Variants in CTDSPL2 observed in about 807,000 individuals in gnomAD.
CTDSPL2 encodes the protein CTD small phosphatase-like protein 2.
CTDSPL2 carries 5 observed loss-of-function variants against 60.0 expected under a neutral mutation model. The observed-to-expected ratio is 0.08, with a 90% CI of 0.04 to 0.18. The LOEUF (loss-of-function observed/expected upper bound fraction) is 0.18. Ranked by LOEUF, CTDSPL2 falls within the 10% of genes least tolerant of loss-of-function variation. CTDSPL2 has a pLI of 1.00. For missense variants in CTDSPL2, 370 were observed against 548.8 expected (o/e 0.67, Z 3.26); for synonymous variants, 186 against 189.3 (o/e 0.98, Z 0.14).
chr15:44,520,171 A>T, intron 11 of CTDSPL2: 2 of 134,570 alleles, frequency 1.5e-5, no homozygotes. Context: ...TTTTTTTGAG[A>T]CGGAGTTTTG....
chr15:44,449,274 T>A, intron 1 of CTDSPL2: 1 of 230,920 alleles, frequency 4.3e-6, no homozygotes. Context: ...ACTATGCTTG[T>A]CTAGCACCTG....
chr15:44,476,088 G>A (rs2080910041), intron 2 of CTDSPL2, among the ~76,000 whole-genome samples: 1 of 151,962 alleles, frequency 6.6e-6, no homozygotes. Flanking sequence ...TTTATTTTGA[G>A]ATGGAGTCTT....
chr15:44,475,195 A>G (rs1028009039), intron 2 of CTDSPL2, among the ~76,000 whole-genome samples: 1 of 151,940 alleles, frequency 6.6e-6, no homozygotes, highest in Non-Finnish European at 1.5e-5. Context: ...TAAATCTTTC[A>G]TTCAGTGATT....
intron 1 of CTDSPL2, among the ~76,000 whole-genome samples, chr15:44,439,554 G>A (rs542427439): frequency 6.7e-6 from 1 of 150,106 alleles, no homozygotes; most frequent in African/African-American, 2.4e-5. Context: ...GGGGGGGGGG[G>A]AATATTTGCA....
chr15:44,493,900 C>T (rs2081255935), intron 5 of CTDSPL2, among the ~76,000 whole-genome samples: 1 of 151,968 alleles, frequency 6.6e-6, no homozygotes, highest in Non-Finnish European at 1.5e-5. Context: ...TTATTGGAAG[C>T]ATAATGTCAG....
At chr15:44,499,277 C>T (rs1001561582) in intron 7 of CTDSPL2, among the ~76,000 whole-genome samples, 5 of 152,068 alleles carry the variant, frequency 3.3e-5, no homozygotes, top group African/African-American at 9.7e-5. Context: ...TGATTGCTGG[C>T]GCCTGTAATC....
chr15:44,428,498 AT>A (rs2079792726), intron 1 of CTDSPL2, among the ~76,000 whole-genome samples: 1 of 152,146 alleles, frequency 6.6e-6, no homozygotes, highest in African/African-American at 2.4e-5. Context: ...AATCTTGTTT[AT>A]TTACTTCTCA....
At chr15:44,482,403 A>C (rs2081045249) in intron 2 of CTDSPL2, among the ~76,000 whole-genome samples, 1 of 152,100 alleles carries the variant, frequency 6.6e-6, no homozygotes, top group Non-Finnish European at 1.5e-5. Context: ...TTTTTCCATA[A>C]GTTTTGTTAC....
In CTDSPL2 at chr15:44,486,578, A is replaced by C. The variant is rs772601008; in HGVS notation, c.353A>C (p.Gln118Pro). 1.3e-6 allele frequency: 2 copies of C among 1,582,198 alleles called. No homozygotes were observed. The highest frequency in any genetic ancestry group is 1.9e-5 in the Admixed American group (1 of 52,658). Residue 118 changes from glutamine (Q) to proline (P), a missense_variant, in exon 4 of 13, where the codon CAA becomes CCA. This residue lies in a region of CTDSPL2 where 287 missense variants were observed against 296.1 expected (regional missense o/e 0.97). Transcript: ENST00000260327. ...GEAGSYEMTN[Q>P]HVKQNGKLED... ...GCTGGTAGTTATGAAATGACAAATC[A>C]ACATGTAAAACAAAATGGAAAATTA...
chr15:44,523,129 T>C (rs1010309238), intron 12 of CTDSPL2, among the ~76,000 whole-genome samples: 3 of 152,118 alleles, frequency 2.0e-5, no homozygotes, highest in Non-Finnish European at 2.9e-5. Context: ...TCCAAGTAGC[T>C]GGGATTACAG....
intron 8 of CTDSPL2, among the ~76,000 whole-genome samples, chr15:44,502,350 T>C (rs2081394674): frequency 2.0e-5 from 3 of 152,142 alleles, no homozygotes; most frequent in Admixed American, 2.0e-4. Flanking sequence ...TTTTTCTTTC[T>C]GTGGTATATT....
chr15:44,475,026 G>A (rs1195185368), intron 2 of CTDSPL2, among the ~76,000 whole-genome samples: 1 of 151,976 alleles, frequency 6.6e-6, no homozygotes, highest in East Asian at 1.9e-4. Context: ...ACTTTTGTTT[G>A]TTACCATGCA....
chr15:44,473,521 T>A (rs2080853181), intron 2 of CTDSPL2, among the ~76,000 whole-genome samples: 1 of 151,264 alleles, frequency 6.6e-6, no homozygotes. Context: ...GGTCTCGATC[T>A]CCTGACCTTG....
Position 44,496,384 on chromosome 15 carries a change from A to C in CTDSPL2, c.696A>C (p.Pro232=), listed in dbSNP as rs752150127. Residue 232 remains proline, a synonymous_variant, in exon 6 of 13, where the codon CCA becomes CCC. Coordinates refer to ENST00000260327, the MANE Select transcript of CTDSPL2 (RefSeq NM_016396.3). ...VNRDIPPLTA[P]VTPDSGYSSA... is the part of the protein sequence containing the mutation. Reference sequence around the variant, plus strand: ...TTCTTTCACTATGTTAAATAGCACCAGTAACTCCAGATAGTGGTTATTCAT... The same window carrying C: ...TTCTTTCACTATGTTAAATAGCACCCGTAACTCCAGATAGTGGTTATTCAT... The C allele has an allele frequency of 2.7e-5, 43 of 1,611,064 alleles. No homozygotes were observed. The South Asian group carries it at 4.6e-4, about 17-fold the overall frequency.
At chr15:44,434,216 A>G (rs897811835) in intron 1 of CTDSPL2, among the ~76,000 whole-genome samples, 4 of 152,010 alleles carry the variant, frequency 2.6e-5, no homozygotes, top group Non-Finnish European at 5.9e-5. Context: ...CCTGGCCAAC[A>G]TGGCGAAACC....
intron 5 of CTDSPL2, among the ~76,000 whole-genome samples, chr15:44,494,741 C>G (rs981096628): frequency 2.6e-5 from 4 of 151,944 alleles, no homozygotes. Flanking sequence ...ATGATGAAAC[C>G]CCATCTCTAC....
intron 1 of CTDSPL2, among the ~76,000 whole-genome samples, chr15:44,430,722 T>C (rs557484505): frequency 6.6e-6 from 1 of 151,976 alleles, no homozygotes; most frequent in African/African-American, 2.4e-5. Context: ...GTGCTGAGAG[T>C]TTATTTGTGT....
intron 2 of CTDSPL2, among the ~76,000 whole-genome samples, chr15:44,464,406 C>T (rs1004807081): frequency 3.9e-5 from 6 of 152,184 alleles, no homozygotes; most frequent in African/African-American, 1.4e-4. Context: ...CACTCCTAAC[C>T]ACTGTATACT....
chr15:44,444,836 G>GTTTTTTTTTTTTTT (rs35160726), intron 1 of CTDSPL2, among the ~76,000 whole-genome samples: 1 of 69,614 alleles, frequency 1.4e-5, no homozygotes, highest in East Asian at 6.2e-4. Flanking sequence ...ATGGAATGTA[G>GTTTTTTTTTTTTTT]TTTTTTTTTT....
Sources: allele counts gnomAD v4.1 joint callset (sites outside exome capture counted in the v4.1 genomes callset), GRCh38; gene constraint gnomAD v4.1.1; regional missense constraint gnomAD v4.1.1; transcripts MANE v1.5; gene names NCBI Gene and HGNC (gene_info 2026-07-23, HGNC 2026-07-21).